PITPNM3: variants seen among roughly 807,000 people sequenced by gnomAD.
The protein encoded by PITPNM3 is membrane-associated phosphatidylinositol transfer protein 3.
A neutral mutation model predicts 102.0 loss-of-function variants in PITPNM3; 26 were observed. The ratio of observed to expected loss-of-function variants is 0.25; its 90% CI spans 0.19 to 0.35. PITPNM3 has a LOEUF of 0.35. Among genes scored for constraint, PITPNM3 ranks in the 10% least tolerant of loss-of-function variants. PITPNM3 has a pLI of 1.00. For missense variants in PITPNM3, 1,083 were observed against 1,346.1 expected (o/e 0.80, Z 3.06); for synonymous variants, 578 against 558.6 (o/e 1.03, Z -0.49).
At chr17:6,471,723 C>G (rs528971942) in intron 11 of PITPNM3, among the ~76,000 whole-genome samples, 1 of 152,286 alleles carries the variant, frequency 6.6e-6, no homozygotes, top group South Asian at 2.1e-4. Context: ...CATATCCTCT[C>G]TTATCCAACT....
rs538396202 is a variant in PITPNM3 at position 6,519,990 on chromosome 17, A to G, written c.226+5366T>C. 5.9e-5 allele frequency among the ~76,000 whole-genome samples: 9 copies of G among 152,348 alleles called. No individual in the cohort carries two copies. In the East Asian group the frequency reaches 1.5e-3, roughly 26 times the overall value. On this transcript the variant is annotated intron_variant, in intron 3 of 19. Coordinates refer to ENST00000262483, the MANE Select transcript of PITPNM3 (RefSeq NM_031220.4). ...CAGACTAATAATTTACTTCCAGAAT[A>G]TATATGAAGATCTCCTAAAATCCAA...
intron 2 of PITPNM3, among the ~76,000 whole-genome samples, chr17:6,536,516 C>T (rs1046692009): frequency 1.3e-5 from 2 of 152,164 alleles, no homozygotes; most frequent in African/African-American, 4.8e-5. Context: ...TTAGGGCTGG[C>T]CTCAGGGAAG....
At chr17:6,474,857 A>T (rs1263509433) in intron 9 of PITPNM3, among the ~76,000 whole-genome samples, 1 of 152,238 alleles carries the variant, frequency 6.6e-6, no homozygotes, top group Non-Finnish European at 1.5e-5. Flanking sequence ...ATTTCAGACG[A>T]CATGGACCGT....
intron 18 of PITPNM3, chr17:6,460,484 G>C (rs1329731292): frequency 6.6e-6 from 1 of 152,256 alleles, no homozygotes; most frequent in Non-Finnish European, 1.5e-5. Flanking sequence ...AAATATATCA[G>C]GCTTCGCACT....
chr17:6,481,871 GA>G (rs1905715477), intron 6 of PITPNM3: 1 of 134,096 alleles, frequency 7.5e-6, no homozygotes, highest in Non-Finnish European at 1.7e-5. Flanking sequence ...GAGAGAGAGA[GA>G]GAGAGAGAGA....
intron 4 of PITPNM3, 149 bp from the exon 5 acceptor site, chr17:6,484,441 A>G: frequency 1.3e-6 from 1 of 779,790 alleles, no homozygotes; most frequent in Non-Finnish European, 2.2e-6. Flanking sequence ...GAGTCACCCC[A>G]TCCAGGCCCT....
At chr17:6,456,931 C>G (rs1387417906) in intron 19 of PITPNM3, among the ~76,000 whole-genome samples, 1 of 152,178 alleles carries the variant, frequency 6.6e-6, no homozygotes, top group Non-Finnish European at 1.5e-5. Context: ...TCTTCAATGT[C>G]CTCTCGGCTT....
At chr17:6,516,842 C>A (rs925765602) in intron 3 of PITPNM3, among the ~76,000 whole-genome samples, 92 of 151,508 alleles carry the variant, frequency 6.1e-4, no homozygotes, top group African/African-American at 2.2e-3. Flanking sequence ...CCAGCCTGGG[C>A]AACATGTTGA....
chr17:6,496,913 T>G (rs898188911), intron 4 of PITPNM3, among the ~76,000 whole-genome samples: 5 of 152,100 alleles, frequency 3.3e-5, no homozygotes. Context: ...TAGAGGCTAA[T>G]GCACATCCTC....
chr17:6,541,167 T>C (rs1909711532), intron 1 of PITPNM3, among the ~76,000 whole-genome samples: 1 of 152,162 alleles, frequency 6.6e-6, no homozygotes, highest in South Asian at 2.1e-4. Context: ...AAAGGTCGTA[T>C]TTCCAACAAG....
chr17:6,488,325 A>C (rs1321871332), intron 4 of PITPNM3, among the ~76,000 whole-genome samples: 3 of 152,150 alleles, frequency 2.0e-5, no homozygotes, highest in Non-Finnish European at 4.4e-5. Flanking sequence ...GCAGACTGGC[A>C]AACTCCTACT....
intron 2 of PITPNM3, among the ~76,000 whole-genome samples, chr17:6,536,250 G>A (rs1467413060): frequency 6.6e-6 from 1 of 152,180 alleles, no homozygotes. Context: ...AAGCACTGCA[G>A]CTGCTCTCAG....
rs754049543 is a variant in PITPNM3, at chr17:6,484,227, C to T, written c.340G>A (p.Glu114Lys). ...GAAGCCCAGCCTACCTCGCTGTCTTCGTGGATCTCGATGCTTCCCTGGGCT... is the reference window on the plus strand; with the variant it reads ...GAAGCCCAGCCTACCTCGCTGTCTTTGTGGATCTCGATGCTTCCCTGGGCT... The part of the protein sequence containing the change: ...FPAQGSIEIH[E>K]DSEEGCPQRS... The change falls in exon 5 of 20, where the codon GAA (glutamate) becomes AAA (lysine). Residue 114 changes from glutamate to lysine, a missense_variant. Physicochemically the swap from Glu to Lys is moderately conservative, Grantham distance 56 (BLOSUM62 1). This residue lies in a region of PITPNM3 where 290 missense variants were observed against 337.8 expected (regional missense o/e 0.86). Coordinates refer to ENST00000262483, the MANE Select transcript of PITPNM3 (RefSeq NM_031220.4). 19 of 1,609,994 alleles carry T rather than the reference C, an allele frequency of 1.2e-5. No homozygotes were observed. Among genetic ancestry groups the T allele is most frequent in the Non-Finnish European group, 1.5e-5 (18 of 1,176,438 alleles).
intron 4 of PITPNM3, among the ~76,000 whole-genome samples, chr17:6,495,936 C>T (rs1906782522): frequency 2.6e-5 from 4 of 152,190 alleles, no homozygotes; most frequent in Admixed American, 1.3e-4. Flanking sequence ...CTGCCCGACT[C>T]AGCCCGAGGC....
At chr17:6,526,697 A>G (rs573956858) in intron 2 of PITPNM3, among the ~76,000 whole-genome samples, 63 of 152,358 alleles carry the variant, frequency 4.1e-4, no homozygotes, top group African/African-American at 1.3e-3. Flanking sequence ...TGAGATTATT[A>G]TAAGTGCTTT....
At chr17:6,483,437 G>C (rs1444658647) in intron 6 of PITPNM3, 80 bp downstream of exon 6, 19 of 1,374,864 alleles carry the variant, frequency 1.4e-5, no homozygotes, top group Non-Finnish European at 1.8e-5. Flanking sequence ...CTGCCCACGG[G>C]GTCCATGCTG....
intron 3 of PITPNM3, among the ~76,000 whole-genome samples, chr17:6,524,248 C>G (rs949705013): frequency 2.0e-4 from 30 of 152,186 alleles, no homozygotes; most frequent in Admixed American, 1.7e-3. Flanking sequence ...CTCGGCAACT[C>G]TGGGCCAGAG....
chr17:6,543,849 C>T (rs1161216805), intron 1 of PITPNM3, among the ~76,000 whole-genome samples: 1 of 152,064 alleles, frequency 6.6e-6, no homozygotes, highest in African/African-American at 2.4e-5. Flanking sequence ...GATGAGCCTC[C>T]AAGGAAGGGG....
chr17:6,478,886 A>G lies in PITPNM3; in HGVS notation c.588-150T>C, dbSNP rs1905489925. ...GACCCAGGCAGGAGCCTGGTGACACAGAGCACAGGCAGTGTGGGGAGGAGA... is the reference window on the plus strand; with the variant it reads ...GACCCAGGCAGGAGCCTGGTGACACGGAGCACAGGCAGTGTGGGGAGGAGA... On this transcript the variant is annotated intron_variant, in intron 6 of 19. Coordinates refer to ENST00000262483, the MANE Select transcript of PITPNM3 (RefSeq NM_031220.4). The surrounding 1 kb of genome is among the most constrained non-coding windows in gnomAD (Gnocchi z 4.4). 1.4e-6 allele frequency: 1 copy of G among 718,432 alleles called. No individual in the cohort carries two copies. Among genetic ancestry groups the G allele is most frequent in the South Asian group, 1.9e-5 (1 of 53,654 alleles). The allele number at this position is 718,432 out of a possible 1,614,324, so 44.5% of individuals were successfully genotyped here.
Sources: gnomAD v4.1 joint callset for allele counts (sites outside exome capture counted in the v4.1 genomes callset) on GRCh38, gnomAD v4.1.1 for gene constraint, gnomAD v4.1.1 regional missense constraint, Gnocchi (gnomAD v3.1) non-coding constraint, MANE v1.5 for transcripts, NCBI Gene and HGNC (gene_info 2026-07-23, HGNC 2026-07-21) for gene names.